Variants in IMPG1 observed in about 807,000 individuals in gnomAD.
IMPG1 encodes interphotoreceptor matrix proteoglycan 1.
A neutral mutation model predicts 92.0 loss-of-function variants in IMPG1; 85 were observed. The ratio of observed to expected loss-of-function variants is 0.92; its 90% CI spans 0.78 to 1.11. The LOEUF (loss-of-function observed/expected upper bound fraction) is 1.11. IMPG1 is among the 50% of genes least tolerant of loss of function. The pLI, the probability that IMPG1 is intolerant of heterozygous loss-of-function variation, is 0.00. For synonymous variants in IMPG1, 367 were observed against 334.1 expected, an observed-to-expected ratio of 1.10 and a Z score of -1.08; for missense variants, 1,022 against 956.0, an observed-to-expected ratio of 1.07 and a Z score of -0.91.
In IMPG1 at chr6:75,993,411, T is replaced by C. The variant is rs997832698; in HGVS notation, c.1291+9507A>G. Among the ~76,000 whole-genome samples, 33 of 152,056 alleles carry C rather than the reference T, an allele frequency of 2.2e-4. 1 individual carries two copies. Among genetic ancestry groups the C allele is most frequent in the African/African-American group, 6.5e-4 (27 of 41,390 alleles). On this transcript the variant is annotated intron_variant, in intron 12 of 16. Coordinates refer to ENST00000369950, the MANE Select transcript of IMPG1 (RefSeq NM_001563.4). Reference sequence around the variant, plus strand: ...AAACCAGTGTCTAGTGAGGTCACTCTTCTTAGTTTGTAGGCAGCTGTCCTC... The same window carrying C: ...AAACCAGTGTCTAGTGAGGTCACTCCTCTTAGTTTGTAGGCAGCTGTCCTC...
chr6:75,967,006 C>T (rs1373886500), intron 12 of IMPG1, among the ~76,000 whole-genome samples: 1 of 152,010 alleles, frequency 6.6e-6, no homozygotes, highest in Non-Finnish European at 1.5e-5. Context: ...GGCGAAAACC[C>T]ATCTCTACTA....
rs865789186 is a variant in IMPG1 at position 75,962,788 on chromosome 6, C to T, written c.1292-11694G>A. ...TGATGCAGTGGCTCATGCCTGTAAC[C>T]CCAGCACTATGGGAGGCTGAGGCAG... On this transcript the variant is annotated intron_variant, in intron 12 of 16. Coordinates refer to ENST00000369950, the MANE Select transcript of IMPG1 (RefSeq NM_001563.4). 2.6e-5 allele frequency among the ~76,000 whole-genome samples: 4 copies of T among 152,076 alleles called. No homozygotes were observed. In the South Asian group the frequency reaches 8.3e-4, roughly 32 times the overall value.
At chr6:75,982,595 A>ATG (rs1157187181) in intron 12 of IMPG1, among the ~76,000 whole-genome samples, 90 of 149,824 alleles carry the variant, frequency 6.0e-4, no homozygotes, top group African/African-American at 2.2e-3. Context: ...AGATATATAT[A>ATG]TGTGTGTGTA....
At chr6:76,023,177 A>G (rs955591203) in intron 5 of IMPG1, among the ~76,000 whole-genome samples, 3 of 152,116 alleles carry the variant, frequency 2.0e-5, no homozygotes, top group African/African-American at 7.2e-5. Context: ...AATAAAGTAC[A>G]TACCCTGTGG....
chr6:76,049,052 C>T (rs140974451), intron 1 of IMPG1, among the ~76,000 whole-genome samples: 3 of 152,276 alleles, frequency 2.0e-5, no homozygotes, highest in Non-Finnish European at 2.9e-5. Context: ...TTTGCAGGGA[C>T]ATGGGTGAAG....
intron 1 of IMPG1, among the ~76,000 whole-genome samples, chr6:76,071,989 T>C (rs191176533): frequency 2.6e-5 from 4 of 152,262 alleles, no homozygotes; most frequent in Middle Eastern, 3.4e-3. Flanking sequence ...AAGCAACTCA[T>C]GATTTCATTG....
rs1233431372 is a variant in IMPG1 at position 76,072,482 on chromosome 6, A to G, written c.7T>C (p.Leu3=). The G allele has an allele frequency of 1.3e-6, 2 of 1,592,230 alleles. No individual in the cohort carries two copies. Among genetic ancestry groups the G allele is most frequent in the African/African-American group, 2.7e-5 (2 of 74,104 alleles). The part of the protein sequence containing the change: MY[L]ETRRAIFVFW... ...ACAAAAATAGCTCTTCTAGTTTCCA[A>G]ATACATTCTGGCTTTTGTGCATTGG... Residue 3 remains leucine, a synonymous_variant, in exon 1 of 17, where the codon TTG becomes CTG. Transcript: ENST00000369950.
At chr6:76,008,083 G>A (rs1390631756) in intron 8 of IMPG1, among the ~76,000 whole-genome samples, 1 of 152,110 alleles carries the variant, frequency 6.6e-6, no homozygotes. Context: ...CTGTTTACTG[G>A]GTGAGTGGTC....
At chr6:75,927,480 G>A (rs969806960) in intron 15 of IMPG1, among the ~76,000 whole-genome samples, 1 of 152,120 alleles carries the variant, frequency 6.6e-6, no homozygotes, top group Non-Finnish European at 1.5e-5. Flanking sequence ...AATAACTGAT[G>A]GGAGGAGAAG....
intron 15 of IMPG1, among the ~76,000 whole-genome samples, chr6:75,929,119 T>C (rs1243463250): frequency 1.3e-5 from 2 of 152,226 alleles, no homozygotes; most frequent in Non-Finnish European, 2.9e-5. Context: ...CTTGTAGAAA[T>C]AATTGTCTAA....
At position 76,022,163 on chromosome 6, in the gene IMPG1, T is replaced by C. The variant is rs770450332; in HGVS notation, c.619A>G (p.Asn207Asp). ...TTGAGTGTATTATCGAGAATTTCAT[T>C]GAGGAGGGTGTCATCAGGAGTGAGA... ...FPLTPDDTLL[N>D]EILDNTLNDT... Residue 207 changes from asparagine to aspartate, a missense_variant, in exon 6 of 17, where the codon AAT becomes GAT. By Grantham distance (23) the Asn-to-Asp change is conservative (BLOSUM62 1). This residue lies in a region of IMPG1 where 681 missense variants were observed against 583.6 expected (regional missense o/e 1.17). Transcript: ENST00000369950. 6.3e-7 allele frequency: 1 copy of C among 1,599,106 alleles called. No individual in the cohort carries two copies. Among genetic ancestry groups the C allele is most frequent in the Non-Finnish European group, 8.5e-7 (1 of 1,169,660 alleles).
rs764859020 is a variant in IMPG1, at chr6:76,072,532, A to C, written c.-44T>G. On this transcript the variant is annotated 5_prime_UTR_variant, in exon 1 of 17. Coordinates refer to ENST00000369950, the MANE Select transcript of IMPG1 (RefSeq NM_001563.4). Reference sequence around the variant, plus strand: ...GTAATTCTGATAACAATCACAGAACAACCTCAAATCTCATTAAAAAGTAAC... The same window carrying C: ...GTAATTCTGATAACAATCACAGAACCACCTCAAATCTCATTAAAAAGTAAC... 8.9e-7 allele frequency: 1 copy of C among 1,126,660 alleles called. No individual in the cohort carries two copies. The highest frequency in any genetic ancestry group is 1.3e-5 in the South Asian group (1 of 75,578). The allele number at this position is 1,126,660 out of a possible 1,614,324, so 69.8% of individuals were successfully genotyped here.
At chr6:76,029,808 C>G (rs987933965) in intron 4 of IMPG1, among the ~76,000 whole-genome samples, 1 of 152,186 alleles carries the variant, frequency 6.6e-6, no homozygotes, top group African/African-American at 2.4e-5. Flanking sequence ...GCAAGCATAA[C>G]TATAGCTACC....
chr6:76,011,318 G>A (rs1001238772), intron 7 of IMPG1, 94 bp from the exon 8 acceptor site: 13 of 564,596 alleles, frequency 2.3e-5, no homozygotes, highest in African/African-American at 7.7e-5. Context: ...ATGAGTTAGG[G>A]GAACAGCTGA....
At chr6:76,046,411 T>C (rs1249678999) in intron 1 of IMPG1, among the ~76,000 whole-genome samples, 1 of 152,102 alleles carries the variant, frequency 6.6e-6, no homozygotes, top group Non-Finnish European at 1.5e-5. Flanking sequence ...AAAGAAAAGA[T>C]AGAAATGGAA....
At chr6:76,013,401 G>A (rs1397407292) in intron 7 of IMPG1, among the ~76,000 whole-genome samples, 1 of 151,872 alleles carries the variant, frequency 6.6e-6, no homozygotes, top group African/African-American at 2.4e-5. Context: ...AAGTTCCTAT[G>A]AATTATTTTC....
intron 14 of IMPG1, 53 bp from the exon 15 acceptor site, chr6:75,931,204 A>G: frequency 6.6e-7 from 1 of 1,526,058 alleles, no homozygotes; most frequent in Non-Finnish European, 8.9e-7. Context: ...AAGCAATGGA[A>G]CTGGCAGCAG....
intron 1 of IMPG1, among the ~76,000 whole-genome samples, chr6:76,044,307 A>G (rs1228285514): frequency 2.6e-5 from 4 of 152,194 alleles, no homozygotes; most frequent in African/African-American, 7.2e-5. Flanking sequence ...AGTTTTTGTT[A>G]TATTTGAATT....
intron 1 of IMPG1, among the ~76,000 whole-genome samples, chr6:76,050,957 G>A (rs1171166301): frequency 1.3e-5 from 2 of 152,056 alleles, no homozygotes; most frequent in African/African-American, 4.8e-5. Context: ...GTCTTCCTAG[G>A]GGAAAAGGTC....
Sources: allele counts gnomAD v4.1 joint callset (sites outside exome capture counted in the v4.1 genomes callset), GRCh38; gene constraint gnomAD v4.1.1; regional missense constraint gnomAD v4.1.1; transcripts MANE v1.5; gene names NCBI Gene and HGNC (gene_info 2026-07-23, HGNC 2026-07-21).